Variants in FGD6 observed in about 807,000 individuals in gnomAD.
The protein encoded by FGD6 is FYVE, RhoGEF and PH domain-containing protein 6.
Under a neutral mutation model 149.4 loss-of-function variants are expected in FGD6, and 90 were observed. The ratio of observed to expected loss-of-function variants is 0.60; its 90% CI spans 0.51 to 0.72. FGD6 has a LOEUF of 0.72. FGD6 is among the 30% of genes least tolerant of loss of function. The pLI is 0.00. For synonymous variants in FGD6, 527 were observed against 584.0 expected, an observed-to-expected ratio of 0.90 and a Z score of 1.41; for missense variants, 1,437 against 1,684.8, an observed-to-expected ratio of 0.85 and a Z score of 2.57.
At chr12:95,181,941 C>CAAAA (rs767271799) in intron 2 of FGD6, among the ~76,000 whole-genome samples, 3 of 101,616 alleles carry the variant, frequency 3.0e-5, no homozygotes, top group Non-Finnish European at 6.3e-5. Context: ...GAGATTCTCT[C>CAAAA]AAAAAAAAAA....
At chr12:95,137,246 C>T (rs1342241279) in intron 7 of FGD6, among the ~76,000 whole-genome samples, 3 of 152,138 alleles carry the variant, frequency 2.0e-5, no homozygotes, top group South Asian at 2.1e-4. Context: ...TGCGAATGTA[C>T]TCCAGCCTGG....
intron 5 of FGD6, among the ~76,000 whole-genome samples, chr12:95,148,505 T>TGCC (rs1880081098): frequency 8.4e-6 from 1 of 118,456 alleles, no homozygotes; most frequent in African/African-American, 3.0e-5. Context: ...ATATAATATA[T>TGCC]AGCATATATT....
intron 8 of FGD6, among the ~76,000 whole-genome samples, chr12:95,114,503 G>A (rs1287746615): frequency 7.0e-6 from 1 of 142,880 alleles, no homozygotes; most frequent in Non-Finnish European, 1.5e-5. Flanking sequence ...CGTCAGACGT[G>A]CTGCTAAATA....
chr12:95,100,990 C>G (rs1878409979), intron 14 of FGD6: 1 of 357,576 alleles, frequency 2.8e-6, no homozygotes, highest in Middle Eastern at 4.8e-4. Flanking sequence ...AGTTATCTCT[C>G]TCCAGCTGAC....
At position 95,209,062 on chromosome 12, in the gene FGD6, G is replaced by C. The variant is rs141528009; in HGVS notation, c.2222C>G (p.Thr741Arg). 2.5e-6 allele frequency: 4 copies of C among 1,614,144 alleles called. No individual in the cohort carries two copies. The highest frequency in any genetic ancestry group is 2.7e-5 in the African/African-American group (2 of 75,022). ...TTCATACTCCGGTGCACAGAGGCTT[G>C]TAACAGACTTGTAAGGTGCCTGAGA... ...SSSQAPYKSV[T>R]SLCAPEYENI... Residue 741 changes from threonine (T) to arginine (R), a missense_variant, in exon 2 of 21, where the codon ACA becomes AGA. By Grantham distance (71) the Thr-to-Arg change is moderately conservative (BLOSUM62 -1). This residue lies in a region of FGD6 where 1,055 missense variants were observed against 1,146.0 expected (regional missense o/e 0.92). Coordinates refer to ENST00000343958, the MANE Select transcript of FGD6 (RefSeq NM_018351.4).
intron 8 of FGD6, among the ~76,000 whole-genome samples, chr12:95,116,452 T>C (rs1592838848): frequency 6.6e-6 from 1 of 152,326 alleles, no homozygotes; most frequent in East Asian, 1.9e-4. Flanking sequence ...AGTATATCCA[T>C]GAAAACAGAG....
rs1206086523 is a variant in FGD6 at position 95,116,771 on chromosome 12, C to CCCAT, written c.3083-3074_3083-3071dup. The CCCAT allele has an allele frequency of 2.3e-4, 106 of 453,512 alleles. 1 individual carries two copies. Among genetic ancestry groups the CCCAT allele is most frequent in the South Asian group, 1.6e-3 (104 of 64,154 alleles). The allele number at this position is 453,512 out of a possible 1,614,324, so 28.1% of individuals were successfully genotyped here. A position where few individuals can be genotyped will look rare whatever the true frequency, so the allele number is the denominator to read the frequency against. On this transcript the variant is annotated intron_variant, in intron 8 of 20. Coordinates refer to ENST00000343958, the MANE Select transcript of FGD6 (RefSeq NM_018351.4). ...ATCCATCCATCCATCCATCCATCAA[C>CCCAT]CCATCCATCCATCCATTCATGTTTT...
chr12:95,169,897 G>T (rs2136282277), intron 3 of FGD6, among the ~76,000 whole-genome samples: 1 of 152,190 alleles, frequency 6.6e-6, no homozygotes, highest in East Asian at 1.9e-4. Context: ...GAGGCGGGTG[G>T]ATCACCTGAG....
At chr12:95,081,668 G>GATAT (rs76750575) in intron 20 of FGD6, 112 bp from the exon 21 acceptor site, 22 of 351,100 alleles carry the variant, frequency 6.3e-5, no homozygotes, top group African/African-American at 1.1e-4. Flanking sequence ...ACATAGGTAA[G>GATAT]ATATATATAT....
At chr12:95,145,913 A>G (rs1880002192) in intron 5 of FGD6, among the ~76,000 whole-genome samples, 1 of 152,114 alleles carries the variant, frequency 6.6e-6, no homozygotes, top group African/African-American at 2.4e-5. Context: ...ACCTCAAGTG[A>G]ACCACCCACC....
chr12:95,180,004 G>A (rs1198637367), intron 2 of FGD6, among the ~76,000 whole-genome samples: 1 of 151,574 alleles, frequency 6.6e-6, no homozygotes, highest in Non-Finnish European at 1.5e-5. Flanking sequence ...CTTGAACCTG[G>A]GAGGCCAAGG....
At chr12:95,115,990 C>T (rs6538596) in intron 8 of FGD6, among the ~76,000 whole-genome samples, 95,640 of 151,996 alleles carry the variant, frequency 0.63, 30,358 homozygotes, top group East Asian at 0.68. Flanking sequence ...CAGAGACCAT[C>T]GCTAGCAATT....
At chr12:95,172,046 G>GGCGGT (rs562514503) in intron 3 of FGD6, among the ~76,000 whole-genome samples, 2 of 136,322 alleles carry the variant, frequency 1.5e-5, no homozygotes, top group African/African-American at 5.5e-5. Flanking sequence ...GGGGGGGGGG[G>GGCGGT]TTGTTATCAA....
intron 1 of FGD6, among the ~76,000 whole-genome samples, chr12:95,215,009 C>T (rs1217555851): frequency 2.0e-5 from 3 of 151,902 alleles, no homozygotes; most frequent in African/African-American, 7.3e-5. Flanking sequence ...TACAGGCGCA[C>T]CCCACCACAC....
intron 18 of FGD6, among the ~76,000 whole-genome samples, chr12:95,086,501 A>G (rs1877865114): frequency 2.6e-5 from 4 of 151,884 alleles, no homozygotes; most frequent in African/African-American, 9.6e-5. Context: ...TCTATGCAAA[A>G]AGACAGTAAG....
Position 95,121,434 on chromosome 12 carries a change from G to C in FGD6, c.3083-7733C>G, listed in dbSNP as rs1879181172. ...CATTGCACTCCAGCCTGGGTAATAA[G>C]AGTAAAATTCCGTCTCAAAAAAAAA... On this transcript the variant is annotated intron_variant, in intron 8 of 20. Coordinates refer to ENST00000343958, the MANE Select transcript of FGD6 (RefSeq NM_018351.4). Among the ~76,000 whole-genome samples, 3 of 122,010 alleles carry C rather than the reference G, an allele frequency of 2.5e-5. No individual in the cohort carries two copies. The South Asian group carries it at 8.0e-4, about 32-fold the overall frequency. The allele number at this position is 122,010 out of a possible 152,430, so 80.0% of individuals were successfully genotyped here. A position where few individuals can be genotyped will look rare whatever the true frequency, so the allele number is the denominator to read the frequency against.
chr12:95,138,642 C>T (rs559025071), intron 6 of FGD6, among the ~76,000 whole-genome samples: 1 of 152,100 alleles, frequency 6.6e-6, no homozygotes, highest in South Asian at 2.1e-4. Flanking sequence ...CCCCATTTCT[C>T]TCCCACCACA....
intron 8 of FGD6, among the ~76,000 whole-genome samples, chr12:95,116,478 A>G (rs926358205): frequency 6.6e-6 from 1 of 152,182 alleles, no homozygotes; most frequent in Non-Finnish European, 1.5e-5. Context: ...TCTCTAAACC[A>G]AAAGGGCTCC....
At chr12:95,212,495 T>C (rs2136305602) in intron 1 of FGD6, among the ~76,000 whole-genome samples, 1 of 152,352 alleles carries the variant, frequency 6.6e-6, no homozygotes, top group South Asian at 2.1e-4. Flanking sequence ...AAATAAAGCC[T>C]GTATATCTGT....
Sources: allele counts gnomAD v4.1 joint callset (sites outside exome capture counted in the v4.1 genomes callset), GRCh38; gene constraint gnomAD v4.1.1; regional missense constraint gnomAD v4.1.1; transcripts MANE v1.5; gene names NCBI Gene and HGNC (gene_info 2026-07-23, HGNC 2026-07-21).